ROBO2: variants seen among roughly 807,000 people sequenced by gnomAD.
ROBO2 encodes the protein roundabout homolog 2.
ROBO2 carries 53 observed loss-of-function variants against 160.8 expected under a neutral mutation model. That is an observed-to-expected ratio of 0.33 (90% CI 0.26 to 0.41). ROBO2 has a LOEUF of 0.41. Ranked by LOEUF, ROBO2 falls within the 10% of genes least tolerant of loss-of-function variation. The probability of loss-of-function intolerance (pLI) is 1.00; values close to 1 mark genes in which losing one functional copy is unlikely to be tolerated. For missense variants in ROBO2, 1,577 were observed against 1,722.4 expected (o/e 0.92, Z 1.49); for synonymous variants, 664 against 611.7 (o/e 1.09, Z -1.26).
At chr3:76,305,275 C>G (rs1025718039) in intron 2 of ROBO2, among the ~76,000 whole-genome samples, 1 of 151,204 alleles carries the variant, frequency 6.6e-6, no homozygotes, top group African/African-American at 2.4e-5. Flanking sequence ...CCTGTAGTCC[C>G]AGCTACTCTG....
At chr3:77,526,267 AT>A (rs767820048) in intron 6 of ROBO2, among the ~76,000 whole-genome samples, 1 of 151,506 alleles carries the variant, frequency 6.6e-6, no homozygotes, top group Non-Finnish European at 1.5e-5. Flanking sequence ...CAAAGCTAGT[AT>A]TACGATGTAT....
At chr3:77,038,747 T>C (rs1456931640), upstream of ROBO2, among the ~76,000 whole-genome samples, 1 of 152,250 alleles carries the variant, frequency 6.6e-6, no homozygotes, top group Non-Finnish European at 1.5e-5. Flanking sequence ...CCCTTTGATC[T>C]AACGTGACCT....
chr3:76,706,491 C>T (rs1182602517), intron 2 of ROBO2, among the ~76,000 whole-genome samples: 1 of 151,964 alleles, frequency 6.6e-6, no homozygotes, highest in African/African-American at 2.4e-5. Flanking sequence ...CCCCAGCCTC[C>T]TAACTCTCCA....
intron 2 of ROBO2, among the ~76,000 whole-genome samples, chr3:76,931,213 A>AT (rs2149052999): frequency 6.6e-6 from 1 of 152,120 alleles, no homozygotes; most frequent in African/African-American, 2.4e-5. Context: ...TTAGAAAAAA[A>AT]ATTTAAAGTC....
chr3:76,130,079 G>A (rs918061314), intron 2 of ROBO2, among the ~76,000 whole-genome samples: 2 of 151,932 alleles, frequency 1.3e-5, no homozygotes, highest in Admixed American at 6.6e-5. Context: ...ATAAAAGTCG[G>A]ATCTTATCAA....
chr3:77,628,447 T>G (rs1426434532), intron 23 of ROBO2, among the ~76,000 whole-genome samples: 8 of 139,560 alleles, frequency 5.7e-5, no homozygotes, highest in South Asian at 4.9e-4. Flanking sequence ...TCTCTTTTTG[T>G]GGGGGGGGGG....
At chr3:76,979,171 T>G (rs1389535840) in intron 2 of ROBO2, among the ~76,000 whole-genome samples, 4 of 152,124 alleles carry the variant, frequency 2.6e-5, no homozygotes, top group Admixed American at 2.6e-4. Flanking sequence ...CTCGAACTCC[T>G]GGGCTGCAGT....
At chr3:76,566,740 G>C (rs1220595478) in intron 2 of ROBO2, among the ~76,000 whole-genome samples, 3 of 151,976 alleles carry the variant, frequency 2.0e-5, no homozygotes, top group African/African-American at 7.3e-5. Flanking sequence ...GAGAGGAAGA[G>C]AAGTGGGAAG....
At chr3:77,476,365 GGTATGTGTGTGT>G (rs1202452889) in intron 2 of ROBO2, among the ~76,000 whole-genome samples, 3 of 117,364 alleles carry the variant, frequency 2.6e-5, no homozygotes, top group Non-Finnish European at 5.2e-5. Context: ...TGTGTCTGTG[GGTATGTGTGTGT>G]GTGTGTGTGT....
At chr3:76,935,665 T>C (rs1400069510) in intron 2 of ROBO2, among the ~76,000 whole-genome samples, 1 of 152,174 alleles carries the variant, frequency 6.6e-6, no homozygotes, top group Non-Finnish European at 1.5e-5. Flanking sequence ...GTCTGCTGAC[T>C]ACCACTTTCA....
At chr3:76,549,337 C>T (rs1426878425) in intron 2 of ROBO2, among the ~76,000 whole-genome samples, 8 of 152,168 alleles carry the variant, frequency 5.3e-5, no homozygotes, top group South Asian at 2.1e-4. Flanking sequence ...AATTTGGCCC[C>T]GAAGAGCAGA....
intron 2 of ROBO2, among the ~76,000 whole-genome samples, chr3:76,147,378 A>G (rs941207531): frequency 6.9e-6 from 1 of 144,832 alleles, no homozygotes; most frequent in Admixed American, 8.0e-5. Flanking sequence ...AATCAATATT[A>G]ATTATCTTAT....
chr3:77,148,237 G>A (rs1438763986), intron 2 of ROBO2, among the ~76,000 whole-genome samples: 1 of 152,130 alleles, frequency 6.6e-6, no homozygotes, highest in African/African-American at 2.4e-5. Context: ...AACTATTTTG[G>A]TTACCACTTT....
intron 2 of ROBO2, among the ~76,000 whole-genome samples, chr3:76,306,791 A>G (rs2071355769): frequency 6.6e-6 from 1 of 152,234 alleles, no homozygotes; most frequent in African/African-American, 2.4e-5. Flanking sequence ...GAAGGAATGT[A>G]GATAAGAAAC....
At chr3:76,019,848 T>C (rs980617457) in intron 2 of ROBO2, among the ~76,000 whole-genome samples, 4 of 151,838 alleles carry the variant, frequency 2.6e-5, no homozygotes, top group African/African-American at 9.7e-5. Context: ...TACTGTGTGT[T>C]CCTTGGAATT....
chr3:76,622,227 G>GA (rs1207665456), intron 2 of ROBO2, among the ~76,000 whole-genome samples: 3 of 27,570 alleles, frequency 1.1e-4, no homozygotes, highest in Non-Finnish European at 1.6e-4. Context: ...AGGAAGGAAG[G>GA]AAGGAAGGAA....
chr3:76,600,209 T>C (rs534146088), intron 2 of ROBO2, among the ~76,000 whole-genome samples: 184 of 152,302 alleles, frequency 1.2e-3, no homozygotes, highest in African/African-American at 4.3e-3. Context: ...CCACCTTGAA[T>C]TGATTTTTGT....
chr3:77,096,313 G>T (rs2071050885), intron 1 of ROBO2, among the ~76,000 whole-genome samples: 1 of 152,054 alleles, frequency 6.6e-6, no homozygotes, highest in African/African-American at 2.4e-5. Context: ...TTTACTTGGA[G>T]CAGCTGGTAG....
At chr3:76,721,896 A>G (rs1462985670) in intron 2 of ROBO2, among the ~76,000 whole-genome samples, 3 of 152,194 alleles carry the variant, frequency 2.0e-5, no homozygotes, top group Admixed American at 6.5e-5. Flanking sequence ...ACTTGCGTGT[A>G]TGTATCAGAA....
Sources: gnomAD v4.1 joint callset for allele counts (sites outside exome capture counted in the v4.1 genomes callset) on GRCh38, gnomAD v4.1.1 for gene constraint, MANE v1.5 for transcripts, NCBI Gene and HGNC (gene_info 2026-07-23, HGNC 2026-07-21) for gene names.